The following PHACTR1 variants were observed in gnomAD, a reference collection of about 807,000 sequenced individuals.
PHACTR1 encodes the protein phosphatase and actin regulator 1.
A neutral mutation model predicts 69.2 loss-of-function variants in PHACTR1; 16 were observed. That is an observed-to-expected ratio of 0.23 (90% CI 0.16 to 0.35). The LOEUF (loss-of-function observed/expected upper bound fraction) is 0.35. Among genes scored for constraint, PHACTR1 ranks in the 10% least tolerant of loss-of-function variants. The pLI is 1.00. For missense variants in PHACTR1, 510 were observed against 734.7 expected, an observed-to-expected ratio of 0.69 and a Z score of 3.54; for synonymous variants, 312 against 284.5, an observed-to-expected ratio of 1.10 and a Z score of -0.97.
intron 5 of PHACTR1, among the ~76,000 whole-genome samples, chr6:13,157,844 C>T (rs1361847655): frequency 6.6e-6 from 1 of 151,464 alleles, no homozygotes; most frequent in Admixed American, 6.6e-5. Flanking sequence ...CAGTCTTCTT[C>T]CGCTGTGCTG....
At chr6:12,840,754 A>G (rs186434615) in intron 4 of PHACTR1, among the ~76,000 whole-genome samples, 2 of 152,264 alleles carry the variant, frequency 1.3e-5, no homozygotes, top group East Asian at 3.9e-4. Flanking sequence ...TCCACCCCCA[A>G]ATTTATGTCT....
intron 4 of PHACTR1, among the ~76,000 whole-genome samples, chr6:12,841,079 C>A (rs1403011417): frequency 6.6e-6 from 1 of 152,156 alleles, no homozygotes; most frequent in African/African-American, 2.4e-5. Flanking sequence ...GAACTGACTT[C>A]GTTTTTTTAC....
chr6:13,003,950 C>CAT lies in PHACTR1; in HGVS notation c.251-49415_251-49414insAT, dbSNP rs1562119669. Among the ~76,000 whole-genome samples the CAT allele has an allele frequency of 8.1e-4, 66 of 81,342 alleles. 4 individuals carry two copies. The highest frequency in any genetic ancestry group is 3.8e-3 in the African/African-American group (60 of 15,796). The allele number at this position is 81,342 out of a possible 152,430, so 53.4% of individuals were successfully genotyped here. A position where few individuals can be genotyped will look rare whatever the true frequency, so the allele number is the denominator to read the frequency against. ...TCTTTTTTTATGGCTCAGTAGTATTCCTATATATATATATGTATATATATA... is the reference window on the plus strand; with the variant it reads ...TCTTTTTTTATGGCTCAGTAGTATTCATCTATATATATATATGTATATATATA... On this transcript the variant is annotated intron_variant, in intron 4 of 14. Transcript: ENST00000332995.
intron 5 of PHACTR1, among the ~76,000 whole-genome samples, chr6:13,104,287 A>G (rs1000247277): frequency 1.3e-5 from 2 of 152,176 alleles, no homozygotes; most frequent in Non-Finnish European, 2.9e-5. Flanking sequence ...CACCATAGGA[A>G]AGGTAAAAAA....
intron 4 of PHACTR1, among the ~76,000 whole-genome samples, chr6:12,948,354 T>C (rs919129386): frequency 6.6e-6 from 1 of 152,104 alleles, no homozygotes; most frequent in African/African-American, 2.4e-5. Flanking sequence ...GAAAGGTGAT[T>C]AAATAAAGAA....
rs555147725 is a variant in PHACTR1 at position 13,286,488 on chromosome 6, C to A, written c.1727+266C>A. 4.6e-5 allele frequency among the ~76,000 whole-genome samples: 7 copies of A among 152,328 alleles called. No homozygotes were observed. In the East Asian group the frequency reaches 9.7e-4, roughly 21 times the overall value. On this transcript the variant is annotated intron_variant, in intron 14 of 14. Transcript: ENST00000332995. Reference sequence around the variant, plus strand: ...CTGATAAGCACCAGACTACCAACGACCCCAAGGTGGGTTTTTGTGAAAACT... The same window carrying A: ...CTGATAAGCACCAGACTACCAACGAACCCAAGGTGGGTTTTTGTGAAAACT...
intron 7 of PHACTR1, among the ~76,000 whole-genome samples, chr6:13,184,260 C>T (rs1003352810): frequency 1.1e-4 from 16 of 152,272 alleles, no homozygotes; most frequent in Admixed American, 8.5e-4. Flanking sequence ...TACCCAGTGT[C>T]GCAGATTTGA....
intron 4 of PHACTR1, among the ~76,000 whole-genome samples, chr6:13,010,428 C>A (rs1448291441): frequency 2.0e-5 from 3 of 152,168 alleles, no homozygotes; most frequent in Non-Finnish European, 4.4e-5. Flanking sequence ...ACACCCAGCC[C>A]TTCCCATTAA....
intron 4 of PHACTR1, among the ~76,000 whole-genome samples, chr6:12,871,710 T>C (rs1359508076): frequency 6.6e-6 from 1 of 152,208 alleles, no homozygotes; most frequent in Non-Finnish European, 1.5e-5. Flanking sequence ...AGTTAGGTAG[T>C]GTCAGCCCGA....
intron 12 of PHACTR1, chr6:13,280,114 A>G (rs1779821885): frequency 6.6e-6 from 1 of 152,202 alleles, no homozygotes; most frequent in Admixed American, 6.5e-5. Flanking sequence ...GAACTTGACT[A>G]ACTGCATGAT....
intron 5 of PHACTR1, among the ~76,000 whole-genome samples, chr6:13,064,438 A>G (rs1162131185): frequency 2.0e-5 from 3 of 151,236 alleles, no homozygotes; most frequent in Non-Finnish European, 4.4e-5. Flanking sequence ...AACAAGCTTT[A>G]TCCCACGTAA....
At chr6:13,051,278 G>C (rs559331364) in intron 4 of PHACTR1, among the ~76,000 whole-genome samples, 2 of 152,214 alleles carry the variant, frequency 1.3e-5, no homozygotes, top group South Asian at 2.1e-4. Context: ...CTATGAGTTG[G>C]TATTTTTATT....
intron 4 of PHACTR1, among the ~76,000 whole-genome samples, chr6:12,856,644 T>C (rs1780400905): frequency 6.6e-6 from 1 of 152,212 alleles, no homozygotes; most frequent in South Asian, 2.1e-4. Context: ...AGTCCTGTGA[T>C]TACAGCGAAT....
intron 5 of PHACTR1, among the ~76,000 whole-genome samples, chr6:13,056,365 A>G (rs992681062): frequency 1.3e-5 from 2 of 152,106 alleles, no homozygotes; most frequent in African/African-American, 2.4e-5. Context: ...GTGCCACTGT[A>G]CTCCAGCTTG....
intron 4 of PHACTR1, among the ~76,000 whole-genome samples, chr6:12,821,660 G>C (rs546281453): frequency 4.8e-4 from 73 of 152,078 alleles, no homozygotes; most frequent in African/African-American, 1.7e-3. Context: ...ATATTTTGTT[G>C]GGAAAAAAAT....
chr6:13,188,713 G>A (rs549391716), intron 7 of PHACTR1, among the ~76,000 whole-genome samples: 2 of 152,330 alleles, frequency 1.3e-5, no homozygotes, highest in Admixed American at 1.3e-4. Context: ...CATCAGCCAG[G>A]TGGGGAGAAG....
chr6:13,115,709 A>C (rs1817714248), intron 5 of PHACTR1, among the ~76,000 whole-genome samples: 1 of 152,196 alleles, frequency 6.6e-6, no homozygotes, highest in African/African-American at 2.4e-5. Context: ...CGTAGGCTGT[A>C]TAAAGGGCTT....
chr6:13,276,332 G>C (rs915061158), intron 11 of PHACTR1, among the ~76,000 whole-genome samples: 10 of 152,170 alleles, frequency 6.6e-5, no homozygotes, highest in African/African-American at 1.9e-4. Context: ...TCAGGCCCGT[G>C]GGGGTGGCCC....
intron 8 of PHACTR1, among the ~76,000 whole-genome samples, chr6:13,223,438 G>A (rs1769010285): frequency 6.6e-6 from 1 of 152,224 alleles, no homozygotes; most frequent in South Asian, 2.1e-4. Flanking sequence ...TGCCCCAGGA[G>A]TGGCCTGGTC....
Sources: allele counts gnomAD v4.1 joint callset (sites outside exome capture counted in the v4.1 genomes callset), GRCh38; gene constraint gnomAD v4.1.1; transcripts MANE v1.5; gene names NCBI Gene and HGNC (gene_info 2026-07-23, HGNC 2026-07-21).